The following WNT7A variants were observed in gnomAD, a reference collection of about 807,000 sequenced individuals.
WNT7A encodes Wnt family member 7A.
WNT7A carries 16 observed loss-of-function variants against 28.2 expected under a neutral mutation model. The observed-to-expected ratio is 0.57, with a 90% CI of 0.38 to 0.86. The LOEUF (loss-of-function observed/expected upper bound fraction) is 0.86. WNT7A is among the 40% of genes least tolerant of loss of function. The pLI is 0.00. For missense variants in WNT7A, 411 were observed against 489.7 expected, an observed-to-expected ratio of 0.84 and a Z score of 1.52; for synonymous variants, 190 against 195.9, an observed-to-expected ratio of 0.97 and a Z score of 0.25.
At chr3:13,843,396 A>G (rs956972542) in intron 3 of WNT7A, among the ~76,000 whole-genome samples, 2 of 152,060 alleles carry the variant, frequency 1.3e-5, no homozygotes, top group Non-Finnish European at 2.9e-5. Context: ...CTTTTTTTCA[A>G]TGAGGAAACT....
chr3:13,826,122 C>T (rs1417788025), intron 3 of WNT7A, among the ~76,000 whole-genome samples: 1 of 152,228 alleles, frequency 6.6e-6, no homozygotes, highest in Non-Finnish European at 1.5e-5. Context: ...TATTTGGCGT[C>T]ACCCCTGCTG....
At chr3:13,865,174 T>C (rs1478780257) in intron 2 of WNT7A, among the ~76,000 whole-genome samples, 1 of 152,192 alleles carries the variant, frequency 6.6e-6, no homozygotes, top group Non-Finnish European at 1.5e-5. Context: ...ACCCTCTAGA[T>C]TGAGTCAGCT....
intron 1 of WNT7A, among the ~76,000 whole-genome samples, chr3:13,879,269 G>A (rs1322008416): frequency 6.6e-6 from 1 of 152,198 alleles, no homozygotes; most frequent in Non-Finnish European, 1.5e-5. Flanking sequence ...GACCGGCCCC[G>A]CCAGCCACCT....
Position 13,879,839 on chromosome 3 carries a change from C to T in WNT7A, c.-23G>A. 6.2e-7 allele frequency: 1 copy of T among 1,605,010 alleles called. No homozygotes were observed. ...CATAGTCCCGATTGGCCGCCGGGGC[C>T]GCGGGCCGGGCTGTGCTGATCCCGC... On this transcript the variant is annotated 5_prime_UTR_variant, in exon 1 of 4. Transcript: ENST00000285018.
At chr3:13,861,553 G>A (rs140401972) in intron 2 of WNT7A, among the ~76,000 whole-genome samples, 101 of 152,318 alleles carry the variant, frequency 6.6e-4, no homozygotes, top group African/African-American at 2.3e-3. Flanking sequence ...ATGGGAGTGG[G>A]GATATCTGGG....
intron 3 of WNT7A, among the ~76,000 whole-genome samples, chr3:13,835,314 A>G (rs1305833452): frequency 1.3e-5 from 2 of 152,242 alleles, no homozygotes; most frequent in African/African-American, 4.8e-5. Flanking sequence ...TGCAGGAAGA[A>G]GCAGGGTGGG....
intron 3 of WNT7A, among the ~76,000 whole-genome samples, chr3:13,846,010 A>G (rs771561229): frequency 4.2e-4 from 64 of 152,140 alleles, no homozygotes; most frequent in Non-Finnish European, 1.5e-4. Flanking sequence ...CTGAACCCCC[A>G]TGACAGCCTG....
At chr3:13,841,289 C>T (rs909238032) in intron 3 of WNT7A, among the ~76,000 whole-genome samples, 1 of 152,134 alleles carries the variant, frequency 6.6e-6, no homozygotes, top group Non-Finnish European at 1.5e-5. Context: ...GTGATCTGTT[C>T]GTCTCTAAAA....
At position 13,816,726 on chromosome 3, in the gene WNT7A, C is replaced by T. The variant is rs1694009226; in HGVS notation, c.*2218G>A. ...CCACCCACTTTCCTAGCTATTCATC[C>T]ATTCATCCGCTCACTTATCAATCCA... On this transcript the variant is annotated 3_prime_UTR_variant, in exon 4 of 4. Coordinates refer to ENST00000285018, the MANE Select transcript of WNT7A (RefSeq NM_004625.4). 6.6e-6 allele frequency: 1 copy of T among 152,268 alleles called. No homozygotes were observed. The highest frequency in any genetic ancestry group is 2.4e-5 in the African/African-American group (1 of 41,406). 9.4% of individuals were successfully genotyped at this position (152,268 alleles called of 1,614,324 possible).
At chr3:13,861,693 C>T (rs374871070) in intron 2 of WNT7A, among the ~76,000 whole-genome samples, 270 of 152,214 alleles carry the variant, frequency 1.8e-3, no homozygotes, top group African/African-American at 6.2e-3. Flanking sequence ...GCCAGGGCGG[C>T]ACCGGAGGAG....
rs185761028 is a variant in WNT7A at position 13,853,259 on chromosome 3, C to T, written c.570+1273G>A. ...AAAGTCTAGAGAGGGGAGAAAGCCACGGAACAAGGCAAACTCGGAGAAAAG... is the reference window on the plus strand; with the variant it reads ...AAAGTCTAGAGAGGGGAGAAAGCCATGGAACAAGGCAAACTCGGAGAAAAG... On this transcript the variant is annotated intron_variant, in intron 3 of 3. Coordinates refer to ENST00000285018, the MANE Select transcript of WNT7A (RefSeq NM_004625.4). 3.0e-3 allele frequency among the ~76,000 whole-genome samples: 457 copies of T among 152,196 alleles called. 2 individuals carry two copies. The highest frequency in any genetic ancestry group is 0.01 in the African/African-American group (431 of 41,520).
At chr3:13,828,071 A>G (rs1329233708) in intron 3 of WNT7A, among the ~76,000 whole-genome samples, 2 of 152,176 alleles carry the variant, frequency 1.3e-5, no homozygotes, top group Admixed American at 6.5e-5. Context: ...AGAGTCCTCA[A>G]TGAGGCCTTT....
intron 2 of WNT7A, 97 bp downstream of exon 2, chr3:13,874,850 G>T (rs887014139): frequency 2.4e-6 from 3 of 1,242,854 alleles, no homozygotes; most frequent in South Asian, 2.6e-5. Flanking sequence ...GGATATTCTA[G>T]CAGGGGCAGG....
chr3:13,861,160 T>A (rs1559304492), intron 2 of WNT7A, among the ~76,000 whole-genome samples: 1 of 152,178 alleles, frequency 6.6e-6, no homozygotes, highest in Non-Finnish European at 1.5e-5. Flanking sequence ...AGGCCTACAT[T>A]CTTGCCCAGA....
At chr3:13,824,200 C>T (rs551338850) in intron 3 of WNT7A, among the ~76,000 whole-genome samples, 3 of 152,278 alleles carry the variant, frequency 2.0e-5, no homozygotes, top group East Asian at 3.9e-4. Context: ...AATTCTGGAA[C>T]ATTTTAGTCA....
intron 2 of WNT7A, among the ~76,000 whole-genome samples, chr3:13,856,620 C>G (rs1467225669): frequency 6.6e-6 from 1 of 152,140 alleles, no homozygotes; most frequent in African/African-American, 2.4e-5. Flanking sequence ...GAGTTCAAGA[C>G]CAGCCTGGCC....
chr3:13,857,478 C>T (rs903011449), intron 2 of WNT7A, among the ~76,000 whole-genome samples: 3 of 152,132 alleles, frequency 2.0e-5, no homozygotes, highest in Non-Finnish European at 4.4e-5. Context: ...CACCAGCCAG[C>T]GCAGGAGGTG....
Position 13,875,021 on chromosome 3 carries a change from A to G in WNT7A, c.224T>C (p.Phe75Ser). The change falls in exon 2 of 4, where the codon TTT (phenylalanine) becomes TCT (serine). Residue 75 changes from phenylalanine (F) to serine (S), a missense_variant. By Grantham distance (155) the Phe-to-Ser change is radical. Transcript: ENST00000285018. ...GSQMGLDECQ[F>S]QFRNGRWNCS... ...GTTCCAGCGGCCATTGCGGAACTGA[A>G]ACTGACACTCGTCCAGGCCCATTTG... The G allele has an allele frequency of 6.2e-7, 1 of 1,614,194 alleles. No individual in the cohort carries two copies. The highest frequency in any genetic ancestry group is 8.5e-7 in the Non-Finnish European group (1 of 1,180,028).
chr3:13,834,210 T>A (rs891999413), intron 3 of WNT7A, among the ~76,000 whole-genome samples: 2 of 151,198 alleles, frequency 1.3e-5, no homozygotes, highest in Non-Finnish European at 2.9e-5. Context: ...AGGGTGATAA[T>A]GGCACCATGG....
Sources: gnomAD v4.1 joint callset for allele counts (sites outside exome capture counted in the v4.1 genomes callset) on GRCh38, gnomAD v4.1.1 for gene constraint, MANE v1.5 for transcripts, NCBI Gene and HGNC (gene_info 2026-07-23, HGNC 2026-07-21) for gene names.